The following OXR1 variants were observed in gnomAD, a reference collection of about 807,000 sequenced individuals.
OXR1 encodes the protein oxidation resistance 1.
OXR1 carries 41 observed loss-of-function variants against 104.6 expected under a neutral mutation model. That is an observed-to-expected ratio of 0.39 (90% CI 0.31 to 0.51). OXR1 has a LOEUF of 0.51. Ranked by LOEUF, OXR1 falls within the 20% of genes least tolerant of loss-of-function variation. The pLI, the probability that OXR1 is intolerant of heterozygous loss-of-function variation, is 0.77. For missense variants in OXR1, 955 were observed against 1,031.9 expected, an observed-to-expected ratio of 0.93 and a Z score of 1.02; for synonymous variants, 348 against 348.4, an observed-to-expected ratio of 1.00 and a Z score of 0.01.
intron 9 of OXR1, 197 bp downstream of exon 9, chr8:106,707,342 C>T (rs879926963): frequency 7.5e-6 from 5 of 663,492 alleles, no homozygotes; most frequent in Admixed American, 5.4e-5. Flanking sequence ...GTGGATTGTA[C>T]ACATAATGAG....
At chr8:106,335,236 C>T (rs1431132236) in intron 1 of OXR1, among the ~76,000 whole-genome samples, 2 of 152,072 alleles carry the variant, frequency 1.3e-5, no homozygotes, top group Non-Finnish European at 2.9e-5. Flanking sequence ...GCCTAGCTTC[C>T]CTTTTTCTGT....
chr8:106,293,760 G>T (rs1456509845), intron 1 of OXR1, among the ~76,000 whole-genome samples: 2 of 152,022 alleles, frequency 1.3e-5, no homozygotes. Flanking sequence ...TGGCAAAAGG[G>T]CAAAAGACAG....
intron 2 of OXR1, among the ~76,000 whole-genome samples, chr8:106,398,579 C>A (rs1817877858): frequency 6.6e-6 from 1 of 152,130 alleles, no homozygotes; most frequent in Non-Finnish European, 1.5e-5. Flanking sequence ...GCCTCTTTTC[C>A]TTCTGGTGTG....
At chr8:106,651,784 C>A (rs1317855847) in intron 3 of OXR1, among the ~76,000 whole-genome samples, 1 of 152,002 alleles carries the variant, frequency 6.6e-6, no homozygotes, top group Non-Finnish European at 1.5e-5. Context: ...ATGGGATTTT[C>A]CATATCTGTA....
At chr8:106,521,993 C>G (rs1350974184) in intron 3 of OXR1, among the ~76,000 whole-genome samples, 1 of 152,112 alleles carries the variant, frequency 6.6e-6, no homozygotes, top group Non-Finnish European at 1.5e-5. Flanking sequence ...ACTCTAGGAG[C>G]CCTCTTGTGG....
chr8:106,658,272 C>G, intron 3 of OXR1: 12 of 1,219,458 alleles, frequency 9.8e-6, no homozygotes, highest in Non-Finnish European at 1.2e-5. Context: ...GGGCGGGGGT[C>G]GCTGCCCGGC....
intron 1 of OXR1, among the ~76,000 whole-genome samples, chr8:106,339,558 A>G (rs1815153779): frequency 7.2e-6 from 1 of 137,990 alleles, no homozygotes; most frequent in African/African-American, 2.6e-5. Flanking sequence ...ATATATATAA[A>G]ACGAAATCAC....
intron 2 of OXR1, among the ~76,000 whole-genome samples, chr8:106,439,843 G>T (rs1303446300): frequency 6.6e-6 from 1 of 152,072 alleles, no homozygotes; most frequent in African/African-American, 2.4e-5. Context: ...CTTACTTGAA[G>T]AATAATAATG....
At chr8:106,704,600 G>T (rs931996206) in intron 8 of OXR1, among the ~76,000 whole-genome samples, 3 of 151,818 alleles carry the variant, frequency 2.0e-5, no homozygotes, top group African/African-American at 7.3e-5. Flanking sequence ...GTTTCATCAT[G>T]TTGGCCAGGT....
chr8:106,510,873 A>T (rs141510084), intron 2 of OXR1, among the ~76,000 whole-genome samples: 2 of 152,236 alleles, frequency 1.3e-5, no homozygotes, highest in Non-Finnish European at 2.9e-5. Flanking sequence ...TCAGCATCCC[A>T]TTAACTGTTC....
At chr8:106,551,789 CATATAT>C (rs200289561) in intron 3 of OXR1, among the ~76,000 whole-genome samples, 15 of 127,302 alleles carry the variant, frequency 1.2e-4, no homozygotes, top group African/African-American at 3.9e-4. Flanking sequence ...CTCCACTATA[CATATAT>C]ATATATATAT....
chr8:106,707,122 C>T lies in OXR1; in HGVS notation c.1601C>T (p.Thr534Ile), dbSNP rs752448059. 5 of 1,613,648 alleles carry T rather than the reference C, an allele frequency of 3.1e-6. No individual in the cohort carries two copies. The highest frequency in any genetic ancestry group is 3.3e-4 in the Middle Eastern group (2 of 6,060). Residue 534 changes from threonine (T) to isoleucine (I), a missense_variant, in exon 9 of 17, where the codon ACA becomes ATA. By Grantham distance (89) the Thr-to-Ile change is moderately conservative (BLOSUM62 -1). Transcript: ENST00000517566. Reference protein sequence around the residue: ...VSQKEAKHKITSADGHIESSA... With the variant: ...VSQKEAKHKIISADGHIESSA... ...CAAAAAGAAGCTAAGCATAAAATTA[C>T]ATCTGCTGATGGACACATAGAAAGT...
intron 3 of OXR1, among the ~76,000 whole-genome samples, chr8:106,565,599 A>C (rs929955888): frequency 1.3e-5 from 2 of 152,182 alleles, no homozygotes; most frequent in African/African-American, 4.8e-5. Context: ...GCTACCATTG[A>C]CTTTCTTCAC....
chr8:106,751,115 G>C lies in OXR1; in HGVS notation c.*174G>C. 2.0e-6 allele frequency: 1 copy of C among 501,038 alleles called. No individual in the cohort carries two copies. The highest frequency in any genetic ancestry group is 3.4e-6 in the Non-Finnish European group (1 of 293,598). 31.0% of individuals were successfully genotyped at this position (501,038 alleles called of 1,614,324 possible). ...AGTTTATTTTTCAAATCATGTTCTT[G>C]TCCCAGAGTTCTTTAGGTTAACACT... On this transcript the variant is annotated 3_prime_UTR_variant, in exon 17 of 17. Transcript: ENST00000517566.
At chr8:106,659,822 A>T (rs1676420) in intron 3 of OXR1, among the ~76,000 whole-genome samples, 92,146 of 152,048 alleles carry the variant, frequency 0.61, 28,788 homozygotes, top group African/African-American at 0.76. Context: ...AGAGACACTT[A>T]TGTGTTTATA....
At chr8:106,343,776 T>C (rs1179407580) in intron 1 of OXR1, among the ~76,000 whole-genome samples, 1 of 152,246 alleles carries the variant, frequency 6.6e-6, no homozygotes, top group Non-Finnish European at 1.5e-5. Flanking sequence ...AAGCATCTAA[T>C]ATGTATTTAG....
At chr8:106,463,147 G>T (rs1239183278) in intron 2 of OXR1, among the ~76,000 whole-genome samples, 1 of 151,968 alleles carries the variant, frequency 6.6e-6, no homozygotes, top group Non-Finnish European at 1.5e-5. Flanking sequence ...GCAAGCCAAG[G>T]AGAACACAGA....
chr8:106,412,626 T>C (rs907992911), intron 2 of OXR1, among the ~76,000 whole-genome samples: 1 of 152,084 alleles, frequency 6.6e-6, no homozygotes, highest in African/African-American at 2.4e-5. Context: ...GTCAGGATTT[T>C]AGACCCAAAA....
intron 1 of OXR1, among the ~76,000 whole-genome samples, chr8:106,307,562 C>G (rs1388544023): frequency 6.8e-6 from 1 of 147,334 alleles, no homozygotes; most frequent in Non-Finnish European, 1.5e-5. Flanking sequence ...TTTTTTTGTC[C>G]TTTTTTTTTT....
Sources: allele counts gnomAD v4.1 joint callset (sites outside exome capture counted in the v4.1 genomes callset), GRCh38; gene constraint gnomAD v4.1.1; transcripts MANE v1.5; gene names NCBI Gene and HGNC (gene_info 2026-07-23, HGNC 2026-07-21).